The following CFHR3 variants were observed in gnomAD, a reference collection of about 807,000 sequenced individuals.
CFHR3 encodes complement factor H-related protein 3.
In CFHR3, 22 loss-of-function variants were observed where a neutral mutation model predicts 36.0. That is an observed-to-expected ratio of 0.61 (90% CI 0.44 to 0.87). The LOEUF is 0.87. Ranked by LOEUF, CFHR3 falls within the 40% of genes least tolerant of loss-of-function variation. CFHR3 has a pLI of 0.00. For synonymous variants in CFHR3, 97 were observed against 137.4 expected (o/e 0.71, Z 2.06); for missense variants, 276 against 401.3 (o/e 0.69, Z 2.67).
intron 4 of CFHR3, chr1:196,789,323 A>C: frequency 1.1e-6 from 1 of 881,240 alleles, no homozygotes; most frequent in Non-Finnish European, 1.3e-6. Flanking sequence ...ACACTTACAA[A>C]GTGATTATCT....
intron 5 of CFHR3, 101 bp from the exon 6 acceptor site, chr1:196,793,216 A>G: frequency 1.8e-6 from 2 of 1,091,958 alleles, no homozygotes; most frequent in South Asian, 1.8e-5. Flanking sequence ...TATTTGGATT[A>G]TTTTATAATT....
chr1:196,788,589 A>C (rs1654302029), intron 4 of CFHR3, among the ~76,000 whole-genome samples, 191 bp downstream of exon 4: 1 of 137,376 alleles, frequency 7.3e-6, no homozygotes, highest in African/African-American at 3.0e-5. Flanking sequence ...TGGGAAGATG[A>C]TCATTTCATC....
chr1:196,784,622 C>T (rs1654111603), intron 3 of CFHR3, among the ~76,000 whole-genome samples: 2 of 136,040 alleles, frequency 1.5e-5, no homozygotes, highest in South Asian at 2.6e-4. Flanking sequence ...ACTAGGATTG[C>T]AACCCCTGCC....
At chr1:196,790,550 C>A (rs183735245) in intron 5 of CFHR3, among the ~76,000 whole-genome samples, 1 of 134,808 alleles carries the variant, frequency 7.4e-6, no homozygotes, top group East Asian at 2.0e-4. Flanking sequence ...CATGGTGAAC[C>A]CCGTATCTAC....
chr1:196,784,955 C>T (rs1654132009), intron 3 of CFHR3, among the ~76,000 whole-genome samples: 1 of 137,032 alleles, frequency 7.3e-6, no homozygotes, highest in Non-Finnish European at 1.5e-5. Flanking sequence ...TTGTTCCTTT[C>T]CATGTTTAGT....
intron 3 of CFHR3, among the ~76,000 whole-genome samples, chr1:196,786,923 A>G (rs1000605019): frequency 7.3e-6 from 1 of 137,148 alleles, no homozygotes; most frequent in African/African-American, 3.0e-5. Context: ...TGTAGACCAG[A>G]GCTGTTCCGA....
rs376321181 is a variant in CFHR3, at chr1:196,792,493, A to G, written c.797-824A>G. 9.9e-4 allele frequency among the ~76,000 whole-genome samples: 111 copies of G among 112,432 alleles called. 23 individuals are homozygous for G. In the East Asian group the frequency reaches 0.026, roughly 27 times the overall value. 73.8% of individuals were successfully genotyped at this position (112,432 alleles called of 152,430 possible). On this transcript the variant is annotated intron_variant, in intron 5 of 5. Coordinates refer to ENST00000367425, the MANE Select transcript of CFHR3 (RefSeq NM_021023.6). Reference sequence around the variant, plus strand: ...ACCATGGCACACATTTACCTATGGAACAAACCTGCACATCCTGCACATGTA... The same window carrying G: ...ACCATGGCACACATTTACCTATGGAGCAAACCTGCACATCCTGCACATGTA...
rs769643369 is a variant in CFHR3 at position 196,788,415 on chromosome 1, T to C, written c.613+17T>C. 5.2e-6 allele frequency: 8 copies of C among 1,524,088 alleles called. No homozygotes were observed. The highest frequency in any genetic ancestry group is 7.1e-6 in the Non-Finnish European group (8 of 1,129,894). 94.4% of individuals were successfully genotyped at this position (1,524,088 alleles called of 1,614,324 possible). A position where few individuals can be genotyped will look rare whatever the true frequency, so the allele number is the denominator to read the frequency against. On this transcript the variant is annotated intron_variant, in intron 4 of 5. Coordinates refer to ENST00000367425, the MANE Select transcript of CFHR3 (RefSeq NM_021023.6). ...TTTGCATTAGTAAGTGATTTACATA[T>C]TCCCATTCAGTTTCTGTCAACTTCG...
intron 5 of CFHR3, among the ~76,000 whole-genome samples, chr1:196,792,746 A>G (rs1654463112): frequency 7.6e-6 from 1 of 130,782 alleles, no homozygotes; most frequent in South Asian, 2.6e-4. Context: ...GTTGATAGAG[A>G]GAGAGATAAC....
chr1:196,788,024 T>C lies in CFHR3; in HGVS notation c.431-192T>C, dbSNP rs1472223335. 4.4e-5 allele frequency among the ~76,000 whole-genome samples: 6 copies of C among 137,176 alleles called. 1 individual carries two copies. The highest frequency in any genetic ancestry group is 1.8e-4 in the African/African-American group (6 of 32,866). The allele number at this position is 137,176 out of a possible 152,430, so 90.0% of individuals were successfully genotyped here. On this transcript the variant is annotated intron_variant, in intron 3 of 5. Transcript: ENST00000367425. Reference sequence around the variant, plus strand: ...TGCTTTCATTCTGCCCTTCCCTGTGTTCAACATTTCCTTCAGAAATTCGTG... The same window carrying C: ...TGCTTTCATTCTGCCCTTCCCTGTGCTCAACATTTCCTTCAGAAATTCGTG...
Position 196,778,525 on chromosome 1 carries a change from T to A in CFHR3, c.59-637T>A, listed in dbSNP as rs1573106879. Among the ~76,000 whole-genome samples the A allele has an allele frequency of 6.6e-5, 9 of 136,678 alleles. 2 individuals are homozygous for A. The South Asian group carries it at 2.0e-3, about 31-fold the overall frequency. 89.7% of individuals were successfully genotyped at this position (136,678 alleles called of 152,430 possible). On this transcript the variant is annotated intron_variant, in intron 1 of 5. Transcript: ENST00000367425. Reference sequence around the variant, plus strand: ...TCTATATGTCTACATACATATAGAATGTAAGAATATATATATATTTGAACA... The same window carrying A: ...TCTATATGTCTACATACATATAGAAAGTAAGAATATATATATATTTGAACA...
intron 1 of CFHR3, among the ~76,000 whole-genome samples, chr1:196,776,448 C>T (rs1379198494): frequency 7.3e-6 from 1 of 137,532 alleles, no homozygotes; most frequent in Non-Finnish European, 1.5e-5. Context: ...TCCAAATTCC[C>T]AATACCTGAG....
At position 196,794,434 on chromosome 1, in the gene CFHR3, G is replaced by T. The variant is rs1654523575; in HGVS notation, c.*921G>T. ...GCCAAGATAGTGCCACTGCACTCCA[G>T]CCTGGGCAATAGAGTGAGACTCTGT... is the stretch of plus-strand genomic sequence containing the variant. On this transcript the variant is annotated 3_prime_UTR_variant, in exon 6 of 6. Transcript: ENST00000367425. 2 of 341,218 alleles carry T rather than the reference G, an allele frequency of 5.9e-6. No individual in the cohort carries two copies. Among genetic ancestry groups the T allele is most frequent in the Non-Finnish European group, 1.1e-5 (2 of 175,670 alleles). The allele number at this position is 341,218 out of a possible 1,614,324, so 21.1% of individuals were successfully genotyped here.
rs1337174563 is a variant in CFHR3 at position 196,792,667 on chromosome 1, A to G, written c.797-650A>G. ...TTTGTCCATAATCATGTAGGGATTC[A>G]TATTAACTCTGTGTGCTTATCCTTG... On this transcript the variant is annotated intron_variant, in intron 5 of 5. Transcript: ENST00000367425. Among the ~76,000 whole-genome samples, 12 of 136,566 alleles carry G rather than the reference A, an allele frequency of 8.8e-5. 2 individuals carry two copies. Among genetic ancestry groups the G allele is most frequent in the African/African-American group, 3.7e-4 (12 of 32,668 alleles). 89.6% of individuals were successfully genotyped at this position (136,566 alleles called of 152,430 possible).
chr1:196,792,090 T>A (rs2124865681), intron 5 of CFHR3, among the ~76,000 whole-genome samples: 1 of 129,644 alleles, frequency 7.7e-6, no homozygotes, highest in African/African-American at 3.5e-5. Flanking sequence ...AGCAGGAAAC[T>A]TTAGAAAGTT....
chr1:196,785,207 C>T lies in CFHR3; in HGVS notation c.431-3009C>T, dbSNP rs1235995622. Among the ~76,000 whole-genome samples, 2 of 136,194 alleles carry T rather than the reference C, an allele frequency of 1.5e-5. 1 individual carries two copies. The highest frequency in any genetic ancestry group is 3.1e-5 in the Non-Finnish European group (2 of 64,336). The allele number at this position is 136,194 out of a possible 152,430, so 89.3% of individuals were successfully genotyped here. ...CTGATGGGCTTCCCTTTGTGGGTAA[C>T]CCGACCTTTCTCTCTGGCTGCCCTT... On this transcript the variant is annotated intron_variant, in intron 3 of 5. Coordinates refer to ENST00000367425, the MANE Select transcript of CFHR3 (RefSeq NM_021023.6).
intron 5 of CFHR3, among the ~76,000 whole-genome samples, chr1:196,793,102 C>G (rs1173511833): frequency 7.4e-6 from 1 of 135,054 alleles, no homozygotes; most frequent in Non-Finnish European, 1.6e-5. Flanking sequence ...ACGTTTATCA[C>G]CTCACCTGAT....
chr1:196,786,050 A>T lies in CFHR3; in HGVS notation c.431-2166A>T, dbSNP rs1654183480. The stretch of plus-strand genomic sequence containing the variant: ...GGACCCTCAGCTGCAGGTCTGTTGG[A>T]GTTTGCTAGAGGTCCACTCTAGACC... On this transcript the variant is annotated intron_variant, in intron 3 of 5. Transcript: ENST00000367425. 1.5e-5 allele frequency among the ~76,000 whole-genome samples: 2 copies of T among 135,686 alleles called. 1 individual carries two copies. Among genetic ancestry groups the T allele is most frequent in the African/African-American group, 6.2e-5 (2 of 32,084 alleles). The allele number at this position is 135,686 out of a possible 152,430, so 89.0% of individuals were successfully genotyped here.
rs1324449655 is a variant in CFHR3 at position 196,779,969 on chromosome 1, T to C, written c.426T>C (p.Arg142=). The C allele has an allele frequency of 2.0e-6, 3 of 1,532,700 alleles. No individual in the cohort carries two copies. Among genetic ancestry groups the C allele is most frequent in the Non-Finnish European group, 2.6e-6 (3 of 1,133,018 alleles). 94.9% of individuals were successfully genotyped at this position (1,532,700 alleles called of 1,614,324 possible). Residue 142 remains arginine, a synonymous_variant, in exon 3 of 6, where the codon CGT becomes CGC. Transcript: ENST00000367425. The stretch of plus-strand genomic sequence containing the variant: ...GGTCTCCTACTCCCAGATGCATCCG[T>C]GTCAGTAAGTACACCGCTCTGAGAT... ...KGWSPTPRCI[R]VRTCSKSDIE...
Sources: allele counts gnomAD v4.1 joint callset (sites outside exome capture counted in the v4.1 genomes callset), GRCh38; gene constraint gnomAD v4.1.1; transcripts MANE v1.5; gene names NCBI Gene and HGNC (gene_info 2026-07-23, HGNC 2026-07-21).